SLC3A1: variants seen among roughly 807,000 people sequenced by gnomAD.
The protein encoded by SLC3A1 is amino acid transporter heavy chain SLC3A1.
In SLC3A1, 78 loss-of-function variants were observed where a neutral mutation model predicts 60.3. That is an observed-to-expected ratio of 1.29 (90% CI 1.08 to 1.56). The LOEUF (loss-of-function observed/expected upper bound fraction) is 1.56. Ranked by LOEUF, SLC3A1 falls within the 40% of genes most tolerant of loss-of-function variation. The pLI is 0.00. For synonymous variants in SLC3A1, 392 were observed against 307.9 expected (o/e 1.27, Z -2.86); for missense variants, 1,172 against 858.9 (o/e 1.36, Z -4.56).
chr2:44,288,285 C>G (rs758717594), intron 4 of SLC3A1, among the ~76,000 whole-genome samples: 5 of 152,162 alleles, frequency 3.3e-5, no homozygotes, highest in Non-Finnish European at 2.9e-5. Flanking sequence ...CTCAGCTTCC[C>G]AAAATGCTGG....
At chr2:44,299,187 C>T (rs1041981338) in intron 4 of SLC3A1, among the ~76,000 whole-genome samples, 4 of 151,780 alleles carry the variant, frequency 2.6e-5, no homozygotes, top group African/African-American at 4.8e-5. Context: ...TATGGGCACC[C>T]GCCACCATGC....
intron 8 of SLC3A1, 162 bp downstream of exon 8, chr2:44,312,915 T>C: frequency 1.6e-6 from 1 of 636,482 alleles, no homozygotes. Context: ...CTCAGCTTTC[T>C]TGGTGGTCTG....
intron 3 of SLC3A1, among the ~76,000 whole-genome samples, chr2:44,282,514 C>G (rs147324442): frequency 2.6e-4 from 39 of 152,256 alleles, no homozygotes; most frequent in Non-Finnish European, 4.6e-4. Flanking sequence ...ACAACAGAAG[C>G]CAGATCCCTC....
Position 44,301,075 on chromosome 2 carries a change from C to A in SLC3A1, c.1084C>A (p.Arg362Ser). The change falls in exon 6 of 10, where the codon CGC (arginine) becomes AGC (serine). Residue 362 changes from arginine to serine, a missense_variant. Physicochemically the swap from Arg to Ser is moderately radical, Grantham distance 110. Coordinates refer to ENST00000260649, the MANE Select transcript of SLC3A1 (RefSeq NM_000341.4). The part of the protein sequence containing the change: ...TTQVGMHDIV[R>S]SFRQTMDQYS... ...GCAGGTGGGAATGCACGACATTGTC[C>A]GCAGCTTCCGGCAGACCATGGACCA... 6.2e-7 allele frequency: 1 copy of A among 1,614,102 alleles called. No individual in the cohort carries two copies.
chr2:44,282,802 T>C (rs1671530153), intron 3 of SLC3A1, among the ~76,000 whole-genome samples: 1 of 151,850 alleles, frequency 6.6e-6, no homozygotes, highest in African/African-American at 2.4e-5. Context: ...GGACCACAAA[T>C]GTGTGCCACC....
At chr2:44,310,171 G>A (rs1055463936) in intron 7 of SLC3A1, among the ~76,000 whole-genome samples, 2 of 152,176 alleles carry the variant, frequency 1.3e-5, no homozygotes, top group Non-Finnish European at 2.9e-5. Context: ...AGGATTACAG[G>A]TGTGAGCCAC....
At position 44,286,101 on chromosome 2, in the gene SLC3A1, A is replaced by G. The variant is rs772558044; in HGVS notation, c.835A>G (p.Met279Val). The G allele has an allele frequency of 6.2e-7, 1 of 1,614,060 alleles. No homozygotes were observed. The highest frequency in any genetic ancestry group is 8.5e-7 in the Non-Finnish European group (1 of 1,179,882). ...VRNQCYFHQFMKEQPDLNFRN... is the reference protein window; with the variant it reads ...VRNQCYFHQFVKEQPDLNFRN... ...AAACCAATGTTATTTTCATCAGTTT[A>G]TGAAAGAGCAACCTGATTTAAATTT... is the stretch of plus-strand genomic sequence containing the variant. The change falls in exon 4 of 10, where the codon ATG becomes GTG. Residue 279 changes from methionine to valine, a missense_variant. Met to Val is a conservative substitution (Grantham distance 21). Coordinates refer to ENST00000260649, the MANE Select transcript of SLC3A1 (RefSeq NM_000341.4).
At chr2:44,310,905 C>G (rs989417109) in intron 7 of SLC3A1, among the ~76,000 whole-genome samples, 5 of 151,904 alleles carry the variant, frequency 3.3e-5, no homozygotes, top group Non-Finnish European at 7.4e-5. Flanking sequence ...CTCAATTTTC[C>G]CATCTCAGCT....
chr2:44,281,965 G>A (rs940966885), intron 3 of SLC3A1, among the ~76,000 whole-genome samples: 1 of 151,916 alleles, frequency 6.6e-6, no homozygotes, highest in African/African-American at 2.4e-5. Context: ...AACTCCACCT[G>A]GGTTCAAGCA....
At chr2:44,312,437 T>C (rs890606696) in intron 7 of SLC3A1, 149 bp from the exon 8 acceptor site, 6 of 755,246 alleles carry the variant, frequency 7.9e-6, no homozygotes, top group Non-Finnish European at 1.2e-5. Context: ...ACACAGCAAA[T>C]AGCAGGCCTA....
At position 44,300,002 on chromosome 2, in the gene SLC3A1, T is replaced by C; in HGVS notation, c.923T>C (p.Val308Ala). The C allele has an allele frequency of 6.2e-7, 1 of 1,614,106 alleles. No homozygotes were observed. Among genetic ancestry groups the C allele is most frequent in the Non-Finnish European group, 8.5e-7 (1 of 1,179,940 alleles). Reference sequence around the variant, plus strand: ...TTACGGTTCTGGCTCACAAAGGGTGTTGATGGTTTTAGTTTGGATGCTGTT... The same window carrying C: ...TTACGGTTCTGGCTCACAAAGGGTGCTGATGGTTTTAGTTTGGATGCTGTT... ...EILRFWLTKG[V>A]DGFSLDAVKF... is the part of the protein sequence containing the mutation. Residue 308 changes from valine to alanine, a missense_variant, in exon 5 of 10, where the codon GTT becomes GCT. Val to Ala is a moderately conservative substitution (Grantham distance 64). Transcript: ENST00000260649.
intron 4 of SLC3A1, among the ~76,000 whole-genome samples, chr2:44,292,222 G>A (rs1339829493): frequency 6.6e-6 from 1 of 152,062 alleles, no homozygotes. Flanking sequence ...GGACTGCTGG[G>A]GAGACCCAGC....
intron 9 of SLC3A1, 65 bp from the exon 10 acceptor site, chr2:44,320,134 T>A (rs148486441): frequency 7.1e-7 from 1 of 1,408,538 alleles, no homozygotes; most frequent in African/African-American, 1.4e-5. Flanking sequence ...TTACAATATA[T>A]TAAAAATACT....
intron 9 of SLC3A1, chr2:44,318,095 G>GTTT: frequency 2.6e-4 from 105 of 396,336 alleles, no homozygotes; most frequent in East Asian, 1.1e-3. Flanking sequence ...TCTCAACACT[G>GTTT]TTTTTTTTTT....
intron 4 of SLC3A1, among the ~76,000 whole-genome samples, chr2:44,287,381 A>G (rs541104580): frequency 1.3e-5 from 2 of 152,264 alleles, no homozygotes; most frequent in South Asian, 4.2e-4. Context: ...AAGAAGAACA[A>G]ATGGAAAGGT....
chr2:44,314,131 A>C, intron 9 of SLC3A1, 180 bp downstream of exon 9: 2 of 1,421,866 alleles, frequency 1.4e-6, no homozygotes, highest in Non-Finnish European at 1.9e-6. Flanking sequence ...TGAAAATACA[A>C]ACTGGTACAA....
In SLC3A1 at chr2:44,300,098, T is replaced by G; in HGVS notation, c.1011+8T>G. The stretch of plus-strand genomic sequence containing the variant: ...AATAAGACCCAAATCCCGGTAAAGT[T>G]TTATTTTAAACGTTTTTCTTTTGCC... On this transcript the variant is annotated splice_region_variant and intron_variant, in intron 5 of 9. Transcript: ENST00000260649. 1.2e-6 allele frequency: 2 copies of G among 1,613,882 alleles called. No homozygotes were observed. Among genetic ancestry groups the G allele is most frequent in the Non-Finnish European group, 1.7e-6 (2 of 1,179,816 alleles).
chr2:44,291,837 G>A (rs1003302462), intron 4 of SLC3A1, among the ~76,000 whole-genome samples: 1 of 152,118 alleles, frequency 6.6e-6, no homozygotes, highest in African/African-American at 2.4e-5. Context: ...AAGCTGGCAT[G>A]CTGGGGAAAT....
intron 9 of SLC3A1, chr2:44,318,814 CATT>C (rs1232076455): frequency 6.6e-6 from 1 of 152,086 alleles, no homozygotes; most frequent in Non-Finnish European, 1.5e-5. Context: ...ATATGAAAAG[CATT>C]ATATGAGACA....
Sources: allele counts gnomAD v4.1 joint callset (sites outside exome capture counted in the v4.1 genomes callset), GRCh38; gene constraint gnomAD v4.1.1; transcripts MANE v1.5; gene names NCBI Gene and HGNC (gene_info 2026-07-23, HGNC 2026-07-21).